The following ENTREP2 variants were observed in gnomAD, a reference collection of about 807,000 sequenced individuals.
ENTREP2 encodes endosomal transmembrane epsin interactor 2, also known as protein ENTREP2.
chr15:29,433,735 AG>A, the ENTREP2 span, among the ~76,000 whole-genome samples: 1 of 151,024 alleles, frequency 6.6e-6, no homozygotes, highest in Non-Finnish European at 1.5e-5. Context: ...CTGTCCCTCA[AG>A]GGGTCTCAAG....
chr15:29,259,543 C>T, the ENTREP2 span, among the ~76,000 whole-genome samples: 2 of 152,160 alleles, frequency 1.3e-5, no homozygotes, highest in Non-Finnish European at 2.9e-5. Context: ...CTTTGATAAG[C>T]ACTAGCTAAC....
chr15:29,218,341 C>T, the ENTREP2 span, among the ~76,000 whole-genome samples: 1 of 152,142 alleles, frequency 6.6e-6, no homozygotes, highest in Non-Finnish European at 1.5e-5. Flanking sequence ...TCTTCATACC[C>T]CACGCTCATG....
the ENTREP2 span, among the ~76,000 whole-genome samples, chr15:29,445,005 C>T: frequency 2.0e-5 from 3 of 152,294 alleles, no homozygotes; most frequent in South Asian, 2.1e-4. Flanking sequence ...AATACTGACA[C>T]CTTGCTTCCT....
the ENTREP2 span, among the ~76,000 whole-genome samples, chr15:29,399,647 T>G: frequency 2.0e-5 from 3 of 152,222 alleles, no homozygotes; most frequent in Non-Finnish European, 4.4e-5. Context: ...CAAAAATCTA[T>G]GTATAACATT....
At chr15:29,171,328 A>G in the ENTREP2 span, among the ~76,000 whole-genome samples, 8 of 152,166 alleles carry the variant, frequency 5.3e-5, no homozygotes, top group South Asian at 2.1e-4. Context: ...AGCTGTCCTG[A>G]GCAGTTCAAC....
At chr15:29,166,010 G>T in the ENTREP2 span, among the ~76,000 whole-genome samples, 33 of 152,248 alleles carry the variant, frequency 2.2e-4, no homozygotes, top group African/African-American at 7.2e-4. Context: ...TGCAGGGATG[G>T]TTTAACATAT....
At chr15:29,492,378 C>G in the ENTREP2 span, among the ~76,000 whole-genome samples, 5,174 of 152,302 alleles carry the variant, frequency 0.034, 279 homozygotes, top group African/African-American at 0.12. Flanking sequence ...ACACCTTGGT[C>G]TAACATTCTT....
chr15:29,659,244 G>A, the ENTREP2 span, among the ~76,000 whole-genome samples: 1 of 152,178 alleles, frequency 6.6e-6, no homozygotes, highest in Non-Finnish European at 1.5e-5. Flanking sequence ...GCTGAGGCTG[G>A]CAGATCACGA....
chr15:29,510,715 G>A, the ENTREP2 span, among the ~76,000 whole-genome samples: 1 of 151,650 alleles, frequency 6.6e-6, no homozygotes, highest in Non-Finnish European at 1.5e-5. Flanking sequence ...GCTGAGGCAG[G>A]AGAATGGCGT....
At chr15:29,568,218 T>G in the ENTREP2 span, among the ~76,000 whole-genome samples, 1 of 152,086 alleles carries the variant, frequency 6.6e-6, no homozygotes, top group Non-Finnish European at 1.5e-5. Context: ...AGACAGAAAA[T>G]AAGCCCATGA....
At chr15:29,402,518 C>T in the ENTREP2 span, among the ~76,000 whole-genome samples, 1 of 151,996 alleles carries the variant, frequency 6.6e-6, no homozygotes, top group Non-Finnish European at 1.5e-5. Flanking sequence ...ACTATGTTGC[C>T]CAGGCTGGTC....
the ENTREP2 span, among the ~76,000 whole-genome samples, chr15:29,659,885 G>A: frequency 1.2e-4 from 18 of 151,484 alleles, no homozygotes; most frequent in South Asian, 6.3e-4. Flanking sequence ...TGCAACCTCC[G>A]CCTCCCAGGT....
chr15:29,598,947 C>T, the ENTREP2 span, among the ~76,000 whole-genome samples: 11 of 152,198 alleles, frequency 7.2e-5, no homozygotes, highest in Non-Finnish European at 1.2e-4. Context: ...CCGCCCGCCT[C>T]GGCCTCCCAA....
chr15:29,179,568 A>G, the ENTREP2 span, among the ~76,000 whole-genome samples: 1 of 148,596 alleles, frequency 6.7e-6, no homozygotes. Flanking sequence ...TGCGTGGATC[A>G]GGGCCGGAGT....
the ENTREP2 span, among the ~76,000 whole-genome samples, chr15:29,218,112 C>A: frequency 6.6e-5 from 10 of 152,164 alleles, no homozygotes; most frequent in Non-Finnish European, 1.3e-4. Flanking sequence ...GTCAATGGGT[C>A]TCTCAGCGTG....
the ENTREP2 span, among the ~76,000 whole-genome samples, chr15:29,592,124 G>A: frequency 4.1e-4 from 62 of 152,066 alleles, no homozygotes; most frequent in South Asian, 2.1e-4. Flanking sequence ...ACTTTGTTAC[G>A]GCTGCCTTCA....
chr15:29,159,288 G>C, the ENTREP2 span, among the ~76,000 whole-genome samples: 1 of 152,080 alleles, frequency 6.6e-6, no homozygotes, highest in Non-Finnish European at 1.5e-5. Flanking sequence ...CATTCCTCCC[G>C]ATAGGTTCGT....
chr15:29,626,723 T>C, the ENTREP2 span, among the ~76,000 whole-genome samples: 1 of 152,216 alleles, frequency 6.6e-6, no homozygotes, highest in Non-Finnish European at 1.5e-5. Flanking sequence ...CACATCCTTA[T>C]CTTGTTCCAT....
At chr15:29,176,233 A>C in the ENTREP2 span, among the ~76,000 whole-genome samples, 1 of 152,220 alleles carries the variant, frequency 6.6e-6, no homozygotes, top group Non-Finnish European at 1.5e-5. Context: ...CATAGGCTAG[A>C]CAATTCTCCT....
Sources: allele counts gnomAD v4.1 joint callset (sites outside exome capture counted in the v4.1 genomes callset), GRCh38; gene constraint gnomAD v4.1.1; transcripts MANE v1.5; gene names NCBI Gene and HGNC (gene_info 2026-07-23, HGNC 2026-07-21).